TSPAN2: variants seen among roughly 807,000 people sequenced by gnomAD.
TSPAN2 encodes tetraspanin-2.
A neutral mutation model predicts 33.3 loss-of-function variants in TSPAN2; 24 were observed. That is an observed-to-expected ratio of 0.72 (90% confidence interval 0.52 to 1.01). The LOEUF (loss-of-function observed/expected upper bound fraction) is 1.01. Among genes scored for constraint, TSPAN2 ranks in the 50% least tolerant of loss-of-function variants. TSPAN2 has a pLI of 0.00. For synonymous variants in TSPAN2, 114 were observed against 104.5 expected, an observed-to-expected ratio of 1.09 and a Z score of -0.56; for missense variants, 278 against 281.3, an observed-to-expected ratio of 0.99 and a Z score of 0.08.
chr1:115,074,167 G>A (rs967610555), intron 1 of TSPAN2, among the ~76,000 whole-genome samples: 3 of 152,178 alleles, frequency 2.0e-5, no homozygotes, highest in African/African-American at 7.2e-5. Flanking sequence ...CTGGGAACAG[G>A]AGCATGGAGG....
chr1:115,066,068 A>G (rs774165698), intron 2 of TSPAN2, among the ~76,000 whole-genome samples: 8 of 152,156 alleles, frequency 5.3e-5, no homozygotes, highest in Admixed American at 3.9e-4. Flanking sequence ...GCTGCTACAA[A>G]TGACAGGATT....
At chr1:115,088,083 A>G (rs1648914369) in intron 1 of TSPAN2, among the ~76,000 whole-genome samples, 2 of 152,220 alleles carry the variant, frequency 1.3e-5, no homozygotes, top group African/African-American at 4.8e-5. Flanking sequence ...AGTATGCTTG[A>G]TGTAAATCCC....
chr1:115,071,206 A>C (rs554351818), intron 2 of TSPAN2, among the ~76,000 whole-genome samples: 1 of 152,270 alleles, frequency 6.6e-6, no homozygotes, highest in East Asian at 1.9e-4. Context: ...CAATCATAGT[A>C]ATTCGCTTCT....
Position 115,053,358 on chromosome 1 carries a change from TA to T in TSPAN2, c.600+20del. The T allele has an allele frequency of 6.2e-7, 1 of 1,610,760 alleles. No individual in the cohort carries two copies. Among genetic ancestry groups the T allele is most frequent in the Non-Finnish European group, 8.5e-7 (1 of 1,177,132 alleles). On this transcript the variant is annotated intron_variant, in intron 7 of 7. Transcript: ENST00000369516. ...AAGGCTTTTTAGAGGGCAAAAAGGG[TA>T]AGTTCTAGAACTTTCTCACCGTCAG...
Position 115,048,284 on chromosome 1 carries a change from A to C in TSPAN2, c.*2206T>G, listed in dbSNP as rs1041530260. The C allele has an allele frequency of 6.3e-4, 63 of 100,784 alleles. No homozygotes were observed. The highest frequency in any genetic ancestry group is 2.3e-3 in the African/African-American group (62 of 27,408). 6.2% of individuals were successfully genotyped at this position (100,784 alleles called of 1,614,324 possible). On this transcript the variant is annotated 3_prime_UTR_variant, in exon 8 of 8. Coordinates refer to ENST00000369516, the MANE Select transcript of TSPAN2 (RefSeq NM_005725.6). ...ATATATAGGGATTATATATCTATAT[A>C]TATTATATGTGTGTCTATACAGATA...
intron 7 of TSPAN2, among the ~76,000 whole-genome samples, chr1:115,052,440 T>G (rs895484943): frequency 2.6e-5 from 4 of 152,184 alleles, no homozygotes; most frequent in African/African-American, 9.7e-5. Context: ...TTAACCCGCC[T>G]TCCAAATCCA....
chr1:115,080,006 T>C (rs1648564326), intron 1 of TSPAN2, among the ~76,000 whole-genome samples: 3 of 152,222 alleles, frequency 2.0e-5, no homozygotes, highest in Non-Finnish European at 4.4e-5. Context: ...ACCTTCAGTT[T>C]GTTTAAATTG....
chr1:115,049,990 A>G lies in TSPAN2; in HGVS notation c.*500T>C, dbSNP rs1675268117. 1 of 106,732 alleles carries G rather than the reference A, an allele frequency of 9.4e-6. No individual in the cohort carries two copies. Among genetic ancestry groups the G allele is most frequent in the African/African-American group, 3.0e-5 (1 of 33,076 alleles). 6.6% of individuals were successfully genotyped at this position (106,732 alleles called of 1,614,324 possible). ...CAGGAAACCCTTACACCCAACTTAG[A>G]CACAGTCAGTTTTAACACTCCATTG... On this transcript the variant is annotated 3_prime_UTR_variant, in exon 8 of 8. Coordinates refer to ENST00000369516, the MANE Select transcript of TSPAN2 (RefSeq NM_005725.6).
chr1:115,065,504 A>G (rs1570972775), intron 2 of TSPAN2, among the ~76,000 whole-genome samples: 1 of 152,330 alleles, frequency 6.6e-6, no homozygotes, highest in Admixed American at 6.5e-5. Flanking sequence ...CATTTTCATC[A>G]TGAATAGCTG....
chr1:115,082,550 T>G (rs1243824851), intron 1 of TSPAN2, among the ~76,000 whole-genome samples: 3 of 152,228 alleles, frequency 2.0e-5, no homozygotes. Context: ...TCTTCAAGTT[T>G]TTGCTCCTGA....
intron 4 of TSPAN2, among the ~76,000 whole-genome samples, chr1:115,059,516 C>A (rs1004653120): frequency 7.9e-5 from 12 of 152,192 alleles, no homozygotes; most frequent in Admixed American, 7.9e-4. Flanking sequence ...TAGCTAGGAT[C>A]CGGACTTATA....
chr1:115,048,230 A>G lies in TSPAN2; in HGVS notation c.*2260T>C, dbSNP rs1171007599. ...ACATACATGTATATATTCAAATTATATACATATAAAGATATTTGTAGATTC... is the reference window on the plus strand; with the variant it reads ...ACATACATGTATATATTCAAATTATGTACATATAAAGATATTTGTAGATTC... On this transcript the variant is annotated 3_prime_UTR_variant, in exon 8 of 8. Coordinates refer to ENST00000369516, the MANE Select transcript of TSPAN2 (RefSeq NM_005725.6). 6.7e-6 allele frequency: 1 copy of G among 150,004 alleles called. No homozygotes were observed. The highest frequency in any genetic ancestry group is 1.5e-5 in the Non-Finnish European group (1 of 67,482). 9.3% of individuals were successfully genotyped at this position (150,004 alleles called of 1,614,324 possible). A position where few individuals can be genotyped will look rare whatever the true frequency, so the allele number is the denominator to read the frequency against.
intron 1 of TSPAN2, among the ~76,000 whole-genome samples, chr1:115,073,916 CT>C (rs1414724212): frequency 5.3e-5 from 8 of 152,132 alleles, no homozygotes; most frequent in African/African-American, 1.7e-4. Flanking sequence ...TGCCAGCAGG[CT>C]CTAGCCACGG....
Position 115,068,699 on chromosome 1 carries a change from C to T in TSPAN2, c.172+4206G>A, listed in dbSNP as rs144557506. Among the ~76,000 whole-genome samples the T allele has an allele frequency of 5.9e-5, 9 of 152,264 alleles. No individual in the cohort carries two copies. In the East Asian group the frequency reaches 1.7e-3, roughly 29 times the overall value. On this transcript the variant is annotated intron_variant, in intron 2 of 7. Coordinates refer to ENST00000369516, the MANE Select transcript of TSPAN2 (RefSeq NM_005725.6). ...TGTTGTGCAAATCCATAAACAGCATCCTAGTGTATTTTTCTTCTTGTTTTG... is the reference window on the plus strand; with the variant it reads ...TGTTGTGCAAATCCATAAACAGCATTCTAGTGTATTTTTCTTCTTGTTTTG...
chr1:115,077,209 G>A (rs1396976929), intron 1 of TSPAN2, among the ~76,000 whole-genome samples: 5 of 151,986 alleles, frequency 3.3e-5, no homozygotes, highest in South Asian at 2.1e-4. Context: ...ATGAGCCACC[G>A]TGCCCAGCCT....
At chr1:115,083,667 A>AC (rs1486834565) in intron 1 of TSPAN2, among the ~76,000 whole-genome samples, 1 of 152,218 alleles carries the variant, frequency 6.6e-6, no homozygotes, top group Non-Finnish European at 1.5e-5. Flanking sequence ...TACGCACGTT[A>AC]AAGTTTGAGA....
At chr1:115,062,573 C>T (rs1256308701) in intron 2 of TSPAN2, among the ~76,000 whole-genome samples, 3 of 152,280 alleles carry the variant, frequency 2.0e-5, no homozygotes, top group East Asian at 1.9e-4. Context: ...ACAGTTCTTA[C>T]AGAGAAAGAA....
At chr1:115,081,622 C>G (rs1391343522) in intron 1 of TSPAN2, among the ~76,000 whole-genome samples, 1 of 152,134 alleles carries the variant, frequency 6.6e-6, no homozygotes, top group Non-Finnish European at 1.5e-5. Context: ...CTTGGGCAAG[C>G]CACTTAACCT....
At chr1:115,055,637 C>T (rs1647391554) in intron 6 of TSPAN2, among the ~76,000 whole-genome samples, 1 of 152,056 alleles carries the variant, frequency 6.6e-6, no homozygotes, top group Admixed American at 6.6e-5. Context: ...GATTCTCCTG[C>T]CTCAGCTTTC....
Sources: gnomAD v4.1 joint callset for allele counts (sites outside exome capture counted in the v4.1 genomes callset) on GRCh38, gnomAD v4.1.1 for gene constraint, MANE v1.5 for transcripts, NCBI Gene and HGNC (gene_info 2026-07-23, HGNC 2026-07-21) for gene names.